The following AAMDC variants were observed in gnomAD, a reference collection of about 807,000 sequenced individuals.
The protein encoded by AAMDC is mth938 domain-containing protein.
A neutral mutation model predicts 15.5 loss-of-function variants in AAMDC; 16 were observed. The ratio of observed to expected loss-of-function variants is 1.03; its 90% CI spans 0.70 to 1.57. The LOEUF (loss-of-function observed/expected upper bound fraction) is 1.57, where lower values mean the gene tolerates loss of function less well. Ranked by LOEUF, AAMDC falls within the 40% of genes most tolerant of loss-of-function variation. The probability of loss-of-function intolerance (pLI) is 0.00; values close to 1 mark genes in which losing one functional copy is unlikely to be tolerated. For synonymous variants in AAMDC, 51 were observed against 51.6 expected (o/e 0.99, Z 0.05); for missense variants, 141 against 144.9 (o/e 0.97, Z 0.14).
intron 2 of AAMDC, among the ~76,000 whole-genome samples, chr11:77,867,913 CAA>C (rs1343024841): frequency 6.6e-6 from 1 of 152,160 alleles, no homozygotes; most frequent in Non-Finnish European, 1.5e-5. Flanking sequence ...AAAAAAGTAA[CAA>C]TATAGAGATT....
chr11:77,903,047 G>C (rs1952825173), downstream of AAMDC, among the ~76,000 whole-genome samples: 3 of 152,184 alleles, frequency 2.0e-5, no homozygotes, highest in South Asian at 6.2e-4. Context: ...TGGGATTACA[G>C]GTGTGAGCCA....
At chr11:77,831,590 C>T (rs991046984) in intron 1 of AAMDC, among the ~76,000 whole-genome samples, 3 of 152,066 alleles carry the variant, frequency 2.0e-5, no homozygotes, top group African/African-American at 7.2e-5. Context: ...CCCTGCTCTA[C>T]CCTTACCTTC....
intron 5 of AAMDC, among the ~76,000 whole-genome samples, chr11:77,885,404 C>G (rs1951962194): frequency 6.6e-6 from 1 of 152,012 alleles, no homozygotes; most frequent in South Asian, 2.1e-4. Context: ...GCTGCTACTC[C>G]CCACTCTAGT....
chr11:77,851,941 A>G (rs1950401172), intron 2 of AAMDC, among the ~76,000 whole-genome samples: 1 of 152,168 alleles, frequency 6.6e-6, no homozygotes, highest in Non-Finnish European at 1.5e-5. Context: ...ACAAATTATA[A>G]AAGAAATAGA....
intron 5 of AAMDC, chr11:77,891,886 A>T: frequency 6.2e-7 from 1 of 1,609,766 alleles, no homozygotes; most frequent in African/African-American, 1.3e-5. Flanking sequence ...CTGTGCACTC[A>T]TTCACCACAG....
At chr11:77,904,144 T>C (rs1424885406), downstream of AAMDC, among the ~76,000 whole-genome samples, 1 of 152,224 alleles carries the variant, frequency 6.6e-6, no homozygotes, top group Non-Finnish European at 1.5e-5. Context: ...CTAAGAGCCA[T>C]GATTTTACCT....
At chr11:77,903,439 G>A, downstream of AAMDC, 1 of 1,606,060 alleles carries the variant, frequency 6.2e-7, no homozygotes. Flanking sequence ...TTTCCTGCAA[G>A]GCCTACACAG....
At chr11:77,849,280 G>T (rs1950272813) in intron 2 of AAMDC, among the ~76,000 whole-genome samples, 1 of 151,990 alleles carries the variant, frequency 6.6e-6, no homozygotes, top group South Asian at 2.1e-4. Flanking sequence ...GGAATGCGGT[G>T]GCGTGACCTT....
intron 1 of AAMDC, among the ~76,000 whole-genome samples, chr11:77,840,464 G>A (rs1190660695): frequency 6.6e-6 from 1 of 152,208 alleles, no homozygotes; most frequent in Non-Finnish European, 1.5e-5. Flanking sequence ...CGGAGGTGGA[G>A]GTTGCAGTGA....
At chr11:77,903,008 G>T (rs1409297165), downstream of AAMDC, among the ~76,000 whole-genome samples, 1 of 152,176 alleles carries the variant, frequency 6.6e-6, no homozygotes, top group Non-Finnish European at 1.5e-5. Flanking sequence ...AACCTTAAGT[G>T]ATGTGCCCAT....
At chr11:77,894,458 T>C (rs1224458086) in intron 5 of AAMDC, 6 of 564,670 alleles carry the variant, frequency 1.1e-5, no homozygotes, top group African/African-American at 9.8e-5. Flanking sequence ...CATATTATAC[T>C]ATAAAAATGA....
At chr11:77,859,435 C>T (rs532674099) in intron 2 of AAMDC, among the ~76,000 whole-genome samples, 1 of 152,172 alleles carries the variant, frequency 6.6e-6, no homozygotes, top group Non-Finnish European at 1.5e-5. Context: ...GGTCTTCCCT[C>T]GGAAGTTAGG....
chr11:77,867,234 T>G (rs1259342595), intron 2 of AAMDC, among the ~76,000 whole-genome samples: 2 of 152,184 alleles, frequency 1.3e-5, no homozygotes, highest in African/African-American at 4.8e-5. Flanking sequence ...CGCCCATTTG[T>G]TATCTCTTTG....
At chr11:77,827,604 T>G (rs1279865748) in intron 1 of AAMDC, among the ~76,000 whole-genome samples, 1 of 152,156 alleles carries the variant, frequency 6.6e-6, no homozygotes, top group Admixed American at 6.6e-5. Flanking sequence ...AATAATAAAC[T>G]AGGAAGAGAA....
chr11:77,882,200 G>T (rs75614008), intron 5 of AAMDC, among the ~76,000 whole-genome samples: 2,156 of 152,260 alleles, frequency 0.014, 54 homozygotes, highest in African/African-American at 0.048. Flanking sequence ...CAAGCCACCA[G>T]GCCTGGCTGT....
chr11:77,823,214 CAAA>C (rs746182266), intron 1 of AAMDC, among the ~76,000 whole-genome samples: 13,642 of 92,230 alleles, frequency 0.15, 523 homozygotes, highest in Admixed American at 0.24. Flanking sequence ...GACTCCGTCT[CAAA>C]AAAAAAAAAA....
intron 5 of AAMDC, among the ~76,000 whole-genome samples, chr11:77,899,800 C>G (rs1246497613): frequency 6.6e-6 from 1 of 151,922 alleles, no homozygotes; most frequent in East Asian, 1.9e-4. Context: ...GGAGGCAGAA[C>G]AGCAAAGTAT....
At chr11:77,842,388 C>T in intron 1 of AAMDC, 91 bp from the exon 2 acceptor site, 1 of 1,210,380 alleles carries the variant, frequency 8.3e-7, no homozygotes, top group Non-Finnish European at 1.1e-6. Context: ...CTTCTTAAAT[C>T]ATGGAGAATC....
At chr11:77,868,357 C>CT (rs575872676) in intron 2 of AAMDC, among the ~76,000 whole-genome samples, 13,382 of 116,764 alleles carry the variant, frequency 0.11, 1,230 homozygotes, top group African/African-American at 0.17. Context: ...GCCCAGCCGC[C>CT]TTTTTTTTTT....
Sources: allele counts gnomAD v4.1 joint callset (sites outside exome capture counted in the v4.1 genomes callset), GRCh38; gene constraint gnomAD v4.1.1; transcripts MANE v1.5; gene names NCBI Gene and HGNC (gene_info 2026-07-23, HGNC 2026-07-21).